ATP8A2: variants seen among roughly 807,000 people sequenced by gnomAD.
ATP8A2 encodes the protein phospholipid-transporting ATPase IB.
ATP8A2 carries 100 observed loss-of-function variants against 165.6 expected under a neutral mutation model. The observed-to-expected ratio is 0.60, with a 90% confidence interval of 0.51 to 0.71. ATP8A2 has a LOEUF of 0.71. Ranked by LOEUF, ATP8A2 falls within the 30% of genes least tolerant of loss-of-function variation. ATP8A2 has a pLI of 0.00. For missense variants in ATP8A2, 1,227 were observed against 1,479.5 expected (o/e 0.83, Z 2.80); for synonymous variants, 543 against 548.8 (o/e 0.99, Z 0.15).
chr13:25,790,524 G>GA (rs60293203), intron 27 of ATP8A2, among the ~76,000 whole-genome samples: 83,163 of 146,410 alleles, frequency 0.57, 23,724 homozygotes, highest in East Asian at 0.7. Context: ...TGTCTCTGTA[G>GA]AAAAAAAAAA....
At position 25,559,129 on chromosome 13, in the gene ATP8A2, T is replaced by G. The variant is rs574422599; in HGVS notation, c.1352+68T>G. 11 of 1,089,702 alleles carry G rather than the reference T, an allele frequency of 1.0e-5. No homozygotes were observed. In the East Asian group the frequency reaches 2.2e-4, roughly 21 times the overall value. 67.5% of individuals were successfully genotyped at this position (1,089,702 alleles called of 1,614,324 possible). ...TCAAGAAAATAAGTTTATTTTTAGC[T>G]ACTTAGTCAAATATCTTGACTTTCT... On this transcript the variant is annotated intron_variant, in intron 14 of 36. Transcript: ENST00000381655.
At chr13:25,693,486 G>A (rs932670030) in intron 24 of ATP8A2, among the ~76,000 whole-genome samples, 1 of 152,118 alleles carries the variant, frequency 6.6e-6, no homozygotes, top group African/African-American at 2.4e-5. Flanking sequence ...GGTAGGAAGA[G>A]GATTTCAATC....
chr13:25,843,209 A>C (rs1000156079), intron 30 of ATP8A2, among the ~76,000 whole-genome samples: 6 of 152,088 alleles, frequency 3.9e-5, no homozygotes, highest in African/African-American at 1.4e-4. Flanking sequence ...CCTGGCCAGG[A>C]CCTTGCAGGT....
intron 33 of ATP8A2, chr13:25,927,186 C>T: frequency 2.2e-6 from 1 of 456,726 alleles, no homozygotes; most frequent in South Asian, 1.5e-5. Flanking sequence ...CACGGCGGGT[C>T]CCTGTGCCCC....
chr13:25,480,743 C>T (rs1317369524), intron 2 of ATP8A2, among the ~76,000 whole-genome samples: 1 of 151,260 alleles, frequency 6.6e-6, no homozygotes, highest in Non-Finnish European at 1.5e-5. Context: ...TCCTCACTTC[C>T]TAGACGGGGT....
At chr13:25,691,425 G>T (rs1471150723) in intron 24 of ATP8A2, among the ~76,000 whole-genome samples, 1 of 152,196 alleles carries the variant, frequency 6.6e-6, no homozygotes, top group Non-Finnish European at 1.5e-5. Flanking sequence ...TCAATAAATT[G>T]GGTTGGCTTA....
intron 2 of ATP8A2, among the ~76,000 whole-genome samples, chr13:25,529,037 T>A (rs2137895441): frequency 6.6e-6 from 1 of 152,276 alleles, no homozygotes; most frequent in Middle Eastern, 3.4e-3. Context: ...CCATGTGTTC[T>A]CATTGTTCAA....
At position 25,393,198 on chromosome 13, in the gene ATP8A2, T is replaced by C. The variant is rs190725294; in HGVS notation, c.76+20910T>C. ...AGGCTGGAGTACAGTGGCATGATCA[T>C]AACTCACTGCAGCCTCAACTTCCTA... On this transcript the variant is annotated intron_variant, in intron 1 of 36. Coordinates refer to ENST00000381655, the MANE Select transcript of ATP8A2 (RefSeq NM_016529.6). Among the ~76,000 whole-genome samples, 418 of 150,468 alleles carry C rather than the reference T, an allele frequency of 2.8e-3. 2 individuals are homozygous for C. The highest frequency in any genetic ancestry group is 8.3e-3 in the South Asian group (39 of 4,680).
At chr13:25,804,386 T>C (rs1950686060) in intron 27 of ATP8A2, among the ~76,000 whole-genome samples, 1 of 152,224 alleles carries the variant, frequency 6.6e-6, no homozygotes, top group Non-Finnish European at 1.5e-5. Flanking sequence ...ATGGTAAAGC[T>C]CATTTTAATT....
intron 18 of ATP8A2, among the ~76,000 whole-genome samples, chr13:25,573,275 G>A (rs1036705321): frequency 6.6e-6 from 1 of 152,160 alleles, no homozygotes; most frequent in Non-Finnish European, 1.5e-5. Flanking sequence ...AGAGACAGAA[G>A]AGAACAGGCG....
intron 24 of ATP8A2, among the ~76,000 whole-genome samples, chr13:25,670,490 A>G (rs2042242036): frequency 6.6e-6 from 1 of 152,134 alleles, no homozygotes; most frequent in South Asian, 2.1e-4. Flanking sequence ...GCTGTCTTAA[A>G]TGTTTACTAA....
Position 26,021,338 on chromosome 13 carries a change from C to G in ATP8A2, c.*1353C>G, listed in dbSNP as rs189987838. On this transcript the variant is annotated 3_prime_UTR_variant, in exon 37 of 37. Transcript: ENST00000381655. ...AGCCCAGTGTGTATGAGAGCTTAAA[C>G]AAGACCTTCACACACAGTTCTAATT... 6.6e-6 allele frequency: 1 copy of G among 152,372 alleles called. No individual in the cohort carries two copies. Among genetic ancestry groups the G allele is most frequent in the Admixed American group, 6.5e-5 (1 of 15,302 alleles). 9.4% of individuals were successfully genotyped at this position (152,372 alleles called of 1,614,324 possible). A position where few individuals can be genotyped will look rare whatever the true frequency, so the allele number is the denominator to read the frequency against.
chr13:25,711,435 C>T (rs1180284924), intron 25 of ATP8A2, among the ~76,000 whole-genome samples: 3 of 151,982 alleles, frequency 2.0e-5, no homozygotes, highest in African/African-American at 7.3e-5. Flanking sequence ...ACAGGCTGGG[C>T]ATGGTGACTC....
chr13:25,496,090 G>A (rs2036670694), intron 2 of ATP8A2, among the ~76,000 whole-genome samples: 1 of 152,108 alleles, frequency 6.6e-6, no homozygotes, highest in South Asian at 2.1e-4. Flanking sequence ...TTCTTTGAAA[G>A]GTGCTGTCCT....
intron 24 of ATP8A2, among the ~76,000 whole-genome samples, chr13:25,613,525 G>T (rs1334966222): frequency 6.6e-6 from 1 of 152,140 alleles, no homozygotes. Flanking sequence ...CATGAGCCAA[G>T]ATTGTGCCAC....
chr13:25,475,128 G>T (rs1435683218), intron 2 of ATP8A2, among the ~76,000 whole-genome samples: 1 of 151,974 alleles, frequency 6.6e-6, no homozygotes, highest in Non-Finnish European at 1.5e-5. Flanking sequence ...AGGCCACTGT[G>T]CCCGGCCTCA....
chr13:25,941,883 C>A (rs1484165494), intron 33 of ATP8A2, among the ~76,000 whole-genome samples: 1 of 152,118 alleles, frequency 6.6e-6, no homozygotes, highest in East Asian at 1.9e-4. Flanking sequence ...AAATGCTGAC[C>A]ACATTATATG....
chr13:25,891,275 T>C (rs1044848515), intron 33 of ATP8A2, among the ~76,000 whole-genome samples: 2 of 152,206 alleles, frequency 1.3e-5, no homozygotes, highest in Non-Finnish European at 2.9e-5. Flanking sequence ...GTGTGTCATA[T>C]TCAGAATGGG....
At chr13:25,784,416 T>C (rs1351184691) in intron 27 of ATP8A2, among the ~76,000 whole-genome samples, 2 of 152,178 alleles carry the variant, frequency 1.3e-5, no homozygotes, top group African/African-American at 4.8e-5. Flanking sequence ...GAATTCCAAT[T>C]TGCTTCCCTT....
Sources: allele counts gnomAD v4.1 joint callset (sites outside exome capture counted in the v4.1 genomes callset), GRCh38; gene constraint gnomAD v4.1.1; transcripts MANE v1.5; gene names NCBI Gene and HGNC (gene_info 2026-07-23, HGNC 2026-07-21).